The following PTPRT variants were observed in gnomAD, a reference collection of about 807,000 sequenced individuals.
The protein encoded by PTPRT is protein tyrosine phosphatase receptor type T, also known as receptor-type tyrosine-protein phosphatase T.
Under a neutral mutation model 176.8 loss-of-function variants are expected in PTPRT, and 56 were observed. That is an observed-to-expected ratio of 0.32 (90% CI 0.26 to 0.40). The LOEUF is 0.40. Among genes scored for constraint, PTPRT ranks in the 10% least tolerant of loss-of-function variants. The pLI is 1.00. For synonymous variants in PTPRT, 783 were observed against 739.0 expected, an observed-to-expected ratio of 1.06 and a Z score of -0.96; for missense variants, 1,540 against 1,908.2, an observed-to-expected ratio of 0.81 and a Z score of 3.60.
Position 42,902,912 on chromosome 20 carries a change from G to A in PTPRT, c.89-16980C>T, listed in dbSNP as rs571539003. On this transcript the variant is annotated intron_variant, in intron 1 of 30. Transcript: ENST00000373187. ...TTCATTCATTAATGCTAGATCAAGT[G>A]TCTGGTGTATGCTAGACATTATTCT... Among the ~76,000 whole-genome samples the A allele has an allele frequency of 2.6e-5, 4 of 152,308 alleles. No homozygotes were observed. In the East Asian group the frequency reaches 7.7e-4, roughly 29 times the overall value.
chr20:42,219,250 G>T (rs970486033), intron 15 of PTPRT, among the ~76,000 whole-genome samples: 1 of 152,118 alleles, frequency 6.6e-6, no homozygotes, highest in Non-Finnish European at 1.5e-5. Context: ...AAGTCTGGTC[G>T]GTGTTTGTTT....
At chr20:42,357,606 A>C (rs897146328) in intron 9 of PTPRT, among the ~76,000 whole-genome samples, 5 of 152,150 alleles carry the variant, frequency 3.3e-5, no homozygotes, top group African/African-American at 7.2e-5. Context: ...CAGAATGTCC[A>C]TGAGTGGCTT....
At chr20:42,797,549 G>C (rs4812649) in intron 2 of PTPRT, among the ~76,000 whole-genome samples, 71,804 of 144,936 alleles carry the variant, frequency 0.5, 19,972 homozygotes, top group Non-Finnish European at 0.63. Context: ...ACCCTCCCCC[G>C]CAAACACAGT....
intron 7 of PTPRT, among the ~76,000 whole-genome samples, chr20:42,547,482 T>TA (rs1568967929): frequency 1.3e-5 from 2 of 152,088 alleles, no homozygotes; most frequent in African/African-American, 4.8e-5. Flanking sequence ...ATATTTTTAT[T>TA]AATAGAAAAG....
intron 6 of PTPRT, among the ~76,000 whole-genome samples, chr20:42,682,477 T>A (rs1211886663): frequency 1.3e-5 from 2 of 152,208 alleles, no homozygotes; most frequent in East Asian, 3.9e-4. Flanking sequence ...CAGTTTCTTA[T>A]CCATGAGGCT....
intron 17 of PTPRT, among the ~76,000 whole-genome samples, chr20:42,147,382 A>C (rs56284628): frequency 0.3 from 46,067 of 152,026 alleles, 8,055 homozygotes; most frequent in African/African-American, 0.48. Flanking sequence ...CACTTGGATA[A>C]CCTCCATGAC....
At chr20:42,635,274 T>C (rs1451818082) in intron 7 of PTPRT, among the ~76,000 whole-genome samples, 3 of 152,064 alleles carry the variant, frequency 2.0e-5, no homozygotes, top group Non-Finnish European at 2.9e-5. Context: ...AAATAATAAC[T>C]ATGTAAATAA....
rs540799125 is a variant in PTPRT, at chr20:42,183,258, A to C, written c.2491+15982T>G. Among the ~76,000 whole-genome samples the C allele has an allele frequency of 3.3e-5, 5 of 152,284 alleles. No individual in the cohort carries two copies. In the East Asian group the frequency reaches 9.6e-4, roughly 29 times the overall value. On this transcript the variant is annotated intron_variant, in intron 16 of 30. Transcript: ENST00000373187. ...TCTAATATTTCAAGTACTACAGAGA[A>C]GCCAATCCACTTATAATTTTAAGTG... is the stretch of plus-strand genomic sequence containing the variant.
chr20:43,163,120 C>A (rs1397265141), intron 1 of PTPRT, among the ~76,000 whole-genome samples: 2 of 152,198 alleles, frequency 1.3e-5, no homozygotes, highest in Non-Finnish European at 2.9e-5. Flanking sequence ...GGAACTGTGG[C>A]AATCCTTACA....
chr20:43,108,562 C>T (rs549390890), intron 1 of PTPRT, among the ~76,000 whole-genome samples: 1 of 152,160 alleles, frequency 6.6e-6, no homozygotes, highest in Admixed American at 6.5e-5. Context: ...TGACTCGAGA[C>T]AGGGTTGGGG....
chr20:42,168,482 G>T (rs1989928366), intron 16 of PTPRT, among the ~76,000 whole-genome samples: 1 of 152,142 alleles, frequency 6.6e-6, no homozygotes, highest in Non-Finnish European at 1.5e-5. Flanking sequence ...ACTAGAAAAG[G>T]CTCAAGATAA....
intron 1 of PTPRT, among the ~76,000 whole-genome samples, chr20:43,174,862 T>TTTTAATATA (rs2015088927): frequency 6.6e-6 from 1 of 152,176 alleles, no homozygotes; most frequent in East Asian, 1.9e-4. Flanking sequence ...GGAAAATATA[T>TTTTAATATA]TTTAATATAT....
chr20:42,054,871 T>C, the PTPRT span, among the ~76,000 whole-genome samples: 1 of 152,176 alleles, frequency 6.6e-6, no homozygotes, highest in African/African-American at 2.4e-5. Flanking sequence ...GGCTGACAGC[T>C]GTCACCTGGA....
intron 2 of PTPRT, among the ~76,000 whole-genome samples, chr20:42,852,359 T>C (rs147360716): frequency 1.3e-5 from 2 of 152,324 alleles, no homozygotes; most frequent in Non-Finnish European, 2.9e-5. Flanking sequence ...TTTATCTTCA[T>C]CCCAAGCTTT....
In PTPRT at chr20:42,270,376, G is replaced by A. The variant is rs377353544; in HGVS notation, c.2176+12113C>T. On this transcript the variant is annotated intron_variant, in intron 13 of 30. Coordinates refer to ENST00000373187, the MANE Select transcript of PTPRT (RefSeq NM_007050.6). ...TGTGGGCAACTCTCCCCTCCCACCC[G>A]CCCAGGGCTCTGGTGATCACCTGTG... 1,958 of 730,410 alleles carry A rather than the reference G, an allele frequency of 2.7e-3. 5 individuals are homozygous for A. Among genetic ancestry groups the A allele is most frequent in the Non-Finnish European group, 4.0e-3 (1,825 of 459,686 alleles). The allele number at this position is 730,410 out of a possible 1,614,324, so 45.2% of individuals were successfully genotyped here.
chr20:42,315,842 G>C lies in PTPRT; in HGVS notation c.2020C>G (p.Pro674Ala). 3 of 1,614,178 alleles carry C rather than the reference G, an allele frequency of 1.9e-6. No individual in the cohort carries two copies. In the South Asian group the frequency reaches 3.3e-5, roughly 18 times the overall value. Residue 674 changes from proline (P) to alanine (A), a missense_variant, in exon 12 of 31, where the codon CCT becomes GCT. Coordinates refer to ENST00000373187, the MANE Select transcript of PTPRT (RefSeq NM_007050.6). ...FAAELKPANLPVTQPFTVGDN... is the reference protein window; with the variant it reads ...FAAELKPANLAVTQPFTVGDN... ...CCCACTGTAAATGGCTGGGTGACAGGCAGGTTGGCAGGCTTCAACTCAGCA... is the reference window on the plus strand; with the variant it reads ...CCCACTGTAAATGGCTGGGTGACAGCCAGGTTGGCAGGCTTCAACTCAGCA...
At chr20:43,007,956 A>C (rs1229832942) in intron 1 of PTPRT, among the ~76,000 whole-genome samples, 1 of 152,192 alleles carries the variant, frequency 6.6e-6, no homozygotes, top group African/African-American at 2.4e-5. Flanking sequence ...AGCCAAGTAA[A>C]AGTGCTGACT....
At chr20:42,268,348 G>A (rs1737621786) in intron 13 of PTPRT, among the ~76,000 whole-genome samples, 2 of 152,192 alleles carry the variant, frequency 1.3e-5, no homozygotes, top group Non-Finnish European at 2.9e-5. Context: ...CCTGATATGG[G>A]ACTGGCTCTG....
intron 15 of PTPRT, among the ~76,000 whole-genome samples, chr20:42,232,461 G>C (rs767582620): frequency 2.0e-5 from 3 of 152,184 alleles, no homozygotes; most frequent in Non-Finnish European, 4.4e-5. Flanking sequence ...CAAGCTCCCA[G>C]GTGATGCTGA....
Sources: gnomAD v4.1 joint callset for allele counts (sites outside exome capture counted in the v4.1 genomes callset) on GRCh38, gnomAD v4.1.1 for gene constraint, MANE v1.5 for transcripts, NCBI Gene and HGNC (gene_info 2026-07-23, HGNC 2026-07-21) for gene names.